Variants in RAP2A observed in about 807,000 individuals in gnomAD.
The protein encoded by RAP2A is ras-related protein Rap-2a.
RAP2A carries 5 observed loss-of-function variants against 15.1 expected under a neutral mutation model. The ratio of observed to expected loss-of-function variants is 0.33; its 90% CI spans 0.17 to 0.70. RAP2A has a LOEUF of 0.70. Ranked by LOEUF, RAP2A falls within the 30% of genes least tolerant of loss-of-function variation. The pLI, the probability that RAP2A is intolerant of heterozygous loss-of-function variation, is 0.68. For synonymous variants in RAP2A, 110 were observed against 99.7 expected, an observed-to-expected ratio of 1.10 and a Z score of -0.62; for missense variants, 111 against 240.3, an observed-to-expected ratio of 0.46 and a Z score of 3.56.
chr13:97,435,339 C>T (rs1041804164), intron 1 of RAP2A, among the ~76,000 whole-genome samples: 25 of 151,850 alleles, frequency 1.6e-4, no homozygotes, highest in Admixed American at 1.6e-3. Context: ...TTGAAGACAT[C>T]ATAAGCTAAA....
rs768723356 is a variant in RAP2A, at chr13:97,434,811, C to T, written c.314+27C>T. On this transcript the variant is annotated intron_variant, in intron 1 of 1. Transcript: ENST00000245304. The stretch of plus-strand genomic sequence containing the variant: ...TGAGCGAGGGCACACGGGGGCTTGG[C>T]GGCTGCACCCCGGAGTCACCGTCCC... 4 of 1,609,956 alleles carry T rather than the reference C, an allele frequency of 2.5e-6. No homozygotes were observed. In the South Asian group the frequency reaches 3.3e-5, roughly 13 times the overall value.
At chr13:97,456,878 G>C (rs748455970) in intron 1 of RAP2A, among the ~76,000 whole-genome samples, 1 of 152,096 alleles carries the variant, frequency 6.6e-6, no homozygotes, top group Non-Finnish European at 1.5e-5. Context: ...TTCAAAACAA[G>C]TCAGGTTGGA....
intron 1 of RAP2A, 61 bp from the exon 2 acceptor site, chr13:97,464,144 G>A: frequency 1.3e-6 from 2 of 1,539,840 alleles, no homozygotes; most frequent in Non-Finnish European, 1.8e-6. Flanking sequence ...AAATACACGT[G>A]ACCTGTTTAA....
In RAP2A at chr13:97,439,644, A is replaced by G. The variant is rs769109043; in HGVS notation, c.314+4860A>G. Among the ~76,000 whole-genome samples the G allele has an allele frequency of 2.8e-4, 43 of 152,196 alleles. 1 individual carries two copies. The highest frequency in any genetic ancestry group is 1.9e-4 in the Non-Finnish European group (13 of 68,016). On this transcript the variant is annotated intron_variant, in intron 1 of 1. Coordinates refer to ENST00000245304, the MANE Select transcript of RAP2A (RefSeq NM_021033.7). ...AAAGGTCAGGTTATGTATGAATATG[A>G]AGACTCAGGATCATCTGCGTAGTTC...
chr13:97,439,243 A>G (rs1278919547), intron 1 of RAP2A, among the ~76,000 whole-genome samples: 2 of 152,230 alleles, frequency 1.3e-5, no homozygotes, highest in Admixed American at 6.5e-5. Flanking sequence ...CAAGGACCAT[A>G]ATCACAATTG....
chr13:97,443,313 A>C (rs1010287872), intron 1 of RAP2A, among the ~76,000 whole-genome samples: 2 of 152,242 alleles, frequency 1.3e-5, no homozygotes, highest in Non-Finnish European at 2.9e-5. Context: ...AAATGTGGAA[A>C]TACTATATTA....
At chr13:97,445,551 C>T (rs1457265232) in intron 1 of RAP2A, among the ~76,000 whole-genome samples, 1 of 152,176 alleles carries the variant, frequency 6.6e-6, no homozygotes, top group Non-Finnish European at 1.5e-5. Context: ...AATGGTCTAG[C>T]ATTAAGGAAC....
intron 1 of RAP2A, among the ~76,000 whole-genome samples, chr13:97,451,273 G>T (rs1312968231): frequency 6.6e-6 from 1 of 151,984 alleles, no homozygotes; most frequent in Non-Finnish European, 1.5e-5. Context: ...ATTTTATGCA[G>T]TAAAGTGCAC....
chr13:97,450,321 G>C (rs2066696904), intron 1 of RAP2A, among the ~76,000 whole-genome samples: 1 of 152,118 alleles, frequency 6.6e-6, no homozygotes, highest in Non-Finnish European at 1.5e-5. Flanking sequence ...GCCTATTCCT[G>C]AGTAACTGAC....
In RAP2A at chr13:97,466,276, C is replaced by T. The variant is rs1189291761; in HGVS notation, c.*1834C>T. The T allele has an allele frequency of 1.3e-5, 2 of 151,182 alleles. No homozygotes were observed. The highest frequency in any genetic ancestry group is 2.9e-5 in the Non-Finnish European group (2 of 67,924). The allele number at this position is 151,182 out of a possible 1,614,324, so 9.4% of individuals were successfully genotyped here. On this transcript the variant is annotated 3_prime_UTR_variant, in exon 2 of 2. Coordinates refer to ENST00000245304, the MANE Select transcript of RAP2A (RefSeq NM_021033.7). Reference sequence around the variant, plus strand: ...AACTGAAGAGATACGTGAATGAAACCAGGCCATAGCTGTCATAAATCTTTG... The same window carrying T: ...AACTGAAGAGATACGTGAATGAAACTAGGCCATAGCTGTCATAAATCTTTG...
intron 1 of RAP2A, among the ~76,000 whole-genome samples, chr13:97,462,066 T>A (rs1010082938): frequency 1.4e-5 from 2 of 145,842 alleles, no homozygotes; most frequent in Non-Finnish European, 3.0e-5. Flanking sequence ...ATATATATAT[T>A]TATATATTAT....
intron 1 of RAP2A, among the ~76,000 whole-genome samples, chr13:97,442,147 A>C (rs905920505): frequency 5.9e-5 from 9 of 152,270 alleles, no homozygotes; most frequent in African/African-American, 2.2e-4. Context: ...ATTTCAGTCA[A>C]GTATGTTAAA....
intron 1 of RAP2A, among the ~76,000 whole-genome samples, chr13:97,461,957 C>A (rs1355991860): frequency 7.6e-6 from 1 of 132,318 alleles, no homozygotes; most frequent in East Asian, 2.2e-4. Context: ...AGCGAGACTC[C>A]GTCTCAAAAA....
At chr13:97,445,403 T>C (rs1411797638) in intron 1 of RAP2A, among the ~76,000 whole-genome samples, 1 of 152,194 alleles carries the variant, frequency 6.6e-6, no homozygotes, top group African/African-American at 2.4e-5. Flanking sequence ...CATACATACA[T>C]AGATACATGA....
At chr13:97,450,969 A>G (rs1351546924) in intron 1 of RAP2A, among the ~76,000 whole-genome samples, 1 of 152,184 alleles carries the variant, frequency 6.6e-6, no homozygotes, top group African/African-American at 2.4e-5. Flanking sequence ...TTTTATTTCC[A>G]ATAACATGTT....
intron 1 of RAP2A, among the ~76,000 whole-genome samples, chr13:97,462,050 A>G (rs2066749933): frequency 6.9e-6 from 1 of 145,400 alleles, no homozygotes; most frequent in East Asian, 2.0e-4. Context: ...ATTTATATAT[A>G]TATTTATATA....
intron 1 of RAP2A, among the ~76,000 whole-genome samples, chr13:97,435,281 TAA>T (rs1271333978): frequency 6.6e-6 from 1 of 152,162 alleles, no homozygotes; most frequent in African/African-American, 2.4e-5. Context: ...TTACAAAAAT[TAA>T]GTCTCTAATT....
At chr13:97,453,961 A>C (rs982082531) in intron 1 of RAP2A, among the ~76,000 whole-genome samples, 1 of 151,266 alleles carries the variant, frequency 6.6e-6, no homozygotes, top group African/African-American at 2.4e-5. Context: ...TGAAATGTCT[A>C]TTCATGGCTT....
intron 1 of RAP2A, among the ~76,000 whole-genome samples, chr13:97,438,843 G>GA (rs1253165536): frequency 2.0e-5 from 3 of 152,076 alleles, no homozygotes; most frequent in African/African-American, 7.2e-5. Context: ...TAGGAAACAA[G>GA]AAAAAATGTT....
Sources: allele counts gnomAD v4.1 joint callset (sites outside exome capture counted in the v4.1 genomes callset), GRCh38; gene constraint gnomAD v4.1.1; transcripts MANE v1.5; gene names NCBI Gene and HGNC (gene_info 2026-07-23, HGNC 2026-07-21).